SPACDR: variants seen among roughly 807,000 people sequenced by gnomAD.
The protein encoded by SPACDR is sperm acrosome developmental regulator, also known as uncharacterized protein C7orf61.
chr7:100,464,055 G>C, the SPACDR span: 1 of 1,530,350 alleles, frequency 6.5e-7, no homozygotes, highest in Non-Finnish European at 8.8e-7. Flanking sequence ...ACAGAAGAAA[G>C]GGCAGAGCTA....
chr7:100,463,357 G>A, the SPACDR span: 5 of 1,579,664 alleles, frequency 3.2e-6, no homozygotes, highest in Non-Finnish European at 4.3e-6. Flanking sequence ...TTAGGATGGT[G>A]CTGACCTTCC....
the SPACDR span, among the ~76,000 whole-genome samples, chr7:100,459,008 T>C: frequency 6.7e-6 from 1 of 149,328 alleles, no homozygotes. Context: ...TACCTTTTTT[T>C]TTTTTTTTTT....
chr7:100,462,451 G>A, the SPACDR span, among the ~76,000 whole-genome samples: 2 of 151,836 alleles, frequency 1.3e-5, no homozygotes, highest in African/African-American at 4.8e-5. Context: ...CTGACCTCGT[G>A]ATCAGCCTGC....
the SPACDR span, among the ~76,000 whole-genome samples, chr7:100,457,797 A>ATGTGTGTGTGTGTG: frequency 4.5e-5 from 1 of 22,086 alleles, no homozygotes; most frequent in East Asian, 1.2e-3. Context: ...ACTTTTATAT[A>ATGTGTGTGTGTGTG]TATATATGTG....
chr7:100,458,907 A>G, the SPACDR span, among the ~76,000 whole-genome samples: 2 of 152,122 alleles, frequency 1.3e-5, no homozygotes, highest in Non-Finnish European at 2.9e-5. Context: ...AGCCTGGGCA[A>G]TGAGAGTGAA....
the SPACDR span, among the ~76,000 whole-genome samples, chr7:100,457,841 G>GTGTGTGTGTGTGTGTGTGTA: frequency 2.0e-4 from 17 of 85,066 alleles, no homozygotes; most frequent in East Asian, 2.8e-3. Flanking sequence ...GTGTGTGTGT[G>GTGTGTGTGTGTGTGTGTGTA]TATATATATA....
chr7:100,458,582 C>T, the SPACDR span, among the ~76,000 whole-genome samples: 7 of 152,204 alleles, frequency 4.6e-5, no homozygotes, highest in African/African-American at 7.2e-5. Flanking sequence ...ATAATATAAA[C>T]GGAATCATTC....
chr7:100,456,886 A>ACAG, the SPACDR span: 1 of 1,613,742 alleles, frequency 6.2e-7, no homozygotes. Flanking sequence ...CGAACGGCCC[A>ACAG]CAGCACCAGG....
chr7:100,459,180 ATT>A, the SPACDR span, among the ~76,000 whole-genome samples: 1 of 135,488 alleles, frequency 7.4e-6, no homozygotes. Context: ...ATTTTTTTGT[ATT>A]TTTTTTTTTA....
chr7:100,459,552 A>C, the SPACDR span, among the ~76,000 whole-genome samples: 1 of 151,920 alleles, frequency 6.6e-6, no homozygotes, highest in Admixed American at 6.6e-5. Context: ...GGCCTCCCAA[A>C]GTGCTGGGAT....
the SPACDR span, among the ~76,000 whole-genome samples, chr7:100,457,841 G>GTGTGTGTGTGTGTGTA: frequency 1.6e-3 from 137 of 85,028 alleles, no homozygotes; most frequent in East Asian, 0.02. Flanking sequence ...GTGTGTGTGT[G>GTGTGTGTGTGTGTGTA]TATATATATA....
chr7:100,463,868 G>T, the SPACDR span: 2 of 1,423,894 alleles, frequency 1.4e-6, no homozygotes, highest in Non-Finnish European at 2.0e-6. Flanking sequence ...TTGGCCACAG[G>T]CCAGGAAGGG....
chr7:100,463,945 G>A, the SPACDR span: 1 of 1,603,244 alleles, frequency 6.2e-7, no homozygotes, highest in African/African-American at 1.3e-5. Context: ...TGAGGACAGA[G>A]TGGTCTCAGA....
chr7:100,463,908 G>A, the SPACDR span: 12 of 1,561,700 alleles, frequency 7.7e-6, no homozygotes, highest in East Asian at 2.3e-5. Context: ...GGGCTGCTGC[G>A]ACCCATGCCC....
chr7:100,460,904 C>CA, the SPACDR span, among the ~76,000 whole-genome samples: 1 of 152,018 alleles, frequency 6.6e-6, no homozygotes, highest in Non-Finnish European at 1.5e-5. Flanking sequence ...GGTGAGCTTT[C>CA]AAAATCAACA....
At chr7:100,456,716 G>T in the SPACDR span, 1 of 1,393,808 alleles carries the variant, frequency 7.2e-7, no homozygotes, top group Non-Finnish European at 9.8e-7. Flanking sequence ...CCAGGTAAGA[G>T]TGAGGTCAGG....
the SPACDR span, among the ~76,000 whole-genome samples, chr7:100,457,854 TATA>T: frequency 1.6e-3 from 194 of 120,566 alleles, 4 homozygotes; most frequent in African/African-American, 6.1e-3. Flanking sequence ...TATATATATA[TATA>T]TTTTTTTTTT....
the SPACDR span, among the ~76,000 whole-genome samples, chr7:100,459,258 C>T: frequency 2.0e-5 from 3 of 151,652 alleles, no homozygotes; most frequent in Non-Finnish European, 4.4e-5. Flanking sequence ...GATCCGCCTG[C>T]CTCGGCCTCC....
chr7:100,457,567 C>T, the SPACDR span, among the ~76,000 whole-genome samples: 1 of 151,316 alleles, frequency 6.6e-6, no homozygotes. Flanking sequence ...GATCAGCCGG[C>T]CTCGGCCTCC....
Sources: allele counts gnomAD v4.1 joint callset (sites outside exome capture counted in the v4.1 genomes callset), GRCh38; gene constraint gnomAD v4.1.1; transcripts MANE v1.5; gene names NCBI Gene and HGNC (gene_info 2026-07-23, HGNC 2026-07-21).